Variants in SIGLEC12 observed in about 807,000 individuals in gnomAD.
SIGLEC12 encodes sialic acid binding Ig like lectin 12.
In SIGLEC12, 43 loss-of-function variants were observed where a neutral mutation model predicts 54.1. The observed-to-expected ratio is 0.80, with a 90% CI of 0.62 to 1.03. The LOEUF is 1.03. Among genes scored for constraint, SIGLEC12 ranks in the 50% least tolerant of loss-of-function variants. SIGLEC12 has a pLI of 0.00. For synonymous variants in SIGLEC12, 357 were observed against 307.6 expected, an observed-to-expected ratio of 1.16 and a Z score of -1.68; for missense variants, 802 against 735.2, an observed-to-expected ratio of 1.09 and a Z score of -1.05.
chr19:51,496,855 G>A (rs762528286), intron 7 of SIGLEC12, 25 bp downstream of exon 7: 9 of 1,611,446 alleles, frequency 5.6e-6, no homozygotes, highest in Non-Finnish European at 2.5e-6. Context: ...CAGGGGAGAA[G>A]GGCTGTGATT....
At chr19:51,497,043 T>C in intron 6 of SIGLEC12, 67 bp from the exon 7 acceptor site, 1 of 1,610,368 alleles carries the variant, frequency 6.2e-7, no homozygotes, top group Non-Finnish European at 8.5e-7. Context: ...GACCAACCCC[T>C]GCCCTGTATT....
intron 4 of SIGLEC12, among the ~76,000 whole-genome samples, chr19:51,498,903 G>A (rs1990314175): frequency 6.6e-6 from 1 of 152,330 alleles, no homozygotes; most frequent in Non-Finnish European, 1.5e-5. Context: ...TTCAGGAGCT[G>A]GAAGATAAGA....
chr19:51,497,826 C>T (rs376214484), intron 5 of SIGLEC12, among the ~76,000 whole-genome samples, 192 bp downstream of exon 5: 11 of 152,160 alleles, frequency 7.2e-5, no homozygotes, highest in African/African-American at 2.2e-4. Context: ...GCCCTTGTAT[C>T]CCCAAACACA....
At chr19:51,500,377 T>A (rs1385200780) in intron 1 of SIGLEC12, 77 bp from the exon 2 acceptor site, 1 of 1,611,134 alleles carries the variant, frequency 6.2e-7, no homozygotes, top group African/African-American at 1.3e-5. Context: ...GCAGCATCTC[T>A]GAGGCAGAGG....
intron 7 of SIGLEC12, 31 bp downstream of exon 7, chr19:51,496,849 G>A (rs769540157): frequency 6.2e-7 from 1 of 1,608,314 alleles, no homozygotes; most frequent in East Asian, 2.2e-5. Flanking sequence ...AGAAAGCAGG[G>A]GAGAAGGGCT....
Position 51,499,562 on chromosome 19 carries a change from G to C in SIGLEC12, c.963C>G (p.Ile321Met). 2.5e-6 allele frequency: 4 copies of C among 1,611,864 alleles called. No individual in the cohort carries two copies. Among genetic ancestry groups the C allele is most frequent in the Non-Finnish European group, 3.4e-6 (4 of 1,178,956 alleles). The change falls in exon 3 of 8, where the codon ATC (isoleucine) becomes ATG (methionine). Residue 321 changes from isoleucine to methionine, a missense_variant. Transcript: ENST00000291707. ...TGAGGCTGAGCATCGAGGAGCGAGT[G>C]ATAGTGGGGTCCAGGGAGGACACGG... ...GASVSSLDPT[I>M]TRSSMLSLIP...
At chr19:51,499,828 C>T (rs1198600798) in intron 2 of SIGLEC12, 92 bp downstream of exon 2, 6 of 1,550,030 alleles carry the variant, frequency 3.9e-6, no homozygotes, top group Non-Finnish European at 5.2e-6. Context: ...TGCTTCACCT[C>T]CAACTCCCTC....
chr19:51,495,365 GTGGATGGA>G (rs1320189994), intron 7 of SIGLEC12, among the ~76,000 whole-genome samples: 4 of 60,194 alleles, frequency 6.6e-5, no homozygotes, highest in South Asian at 7.2e-4. Context: ...AGACGGGTGG[GTGGATGGA>G]TGGATGGATG....
chr19:51,491,389 A>G lies in SIGLEC12; in HGVS notation c.*252T>C, dbSNP rs1990095232. ...TACGATCTCACTATATTTGGAACCT[A>G]AAATAGTCGACCTCAGAGAAGTAGA... On this transcript the variant is annotated 3_prime_UTR_variant, in exon 8 of 8. Coordinates refer to ENST00000291707, the MANE Select transcript of SIGLEC12 (RefSeq NM_053003.4). 1 of 486,164 alleles carries G rather than the reference A, an allele frequency of 2.1e-6. No individual in the cohort carries two copies. Among genetic ancestry groups the G allele is most frequent in the Non-Finnish European group, 3.7e-6 (1 of 270,212 alleles). 30.1% of individuals were successfully genotyped at this position (486,164 alleles called of 1,614,324 possible). A position where few individuals can be genotyped will look rare whatever the true frequency, so the allele number is the denominator to read the frequency against.
intron 7 of SIGLEC12, among the ~76,000 whole-genome samples, chr19:51,495,984 G>A (rs375577028): frequency 3.3e-5 from 5 of 152,318 alleles, no homozygotes; most frequent in South Asian, 4.1e-4. Context: ...AACCTTGTTG[G>A]TGATGACACT....
chr19:51,491,836 G>A lies in SIGLEC12; in HGVS notation c.1600-7C>T, dbSNP rs1380072482. ...GGGATTCAATCAGGGGTCCCTGAATGGAGGAAGAGAAGGGAGTCAGTGCAG... is the reference window on the plus strand; with the variant it reads ...GGGATTCAATCAGGGGTCCCTGAATAGAGGAAGAGAAGGGAGTCAGTGCAG... On this transcript the variant is annotated splice_polypyrimidine_tract_variant and splice_region_variant and intron_variant, in intron 7 of 7. Transcript: ENST00000291707. 1.3e-6 allele frequency: 2 copies of A among 1,546,378 alleles called. No individual in the cohort carries two copies. The highest frequency in any genetic ancestry group is 1.4e-5 in the African/African-American group (1 of 73,114).
rs1191941171 is a variant in SIGLEC12, at chr19:51,491,508, G to A, written c.*133C>T. 2 of 885,472 alleles carry A rather than the reference G, an allele frequency of 2.3e-6. No homozygotes were observed. Among genetic ancestry groups the A allele is most frequent in the Non-Finnish European group, 3.5e-6 (2 of 571,938 alleles). The allele number at this position is 885,472 out of a possible 1,614,324, so 54.9% of individuals were successfully genotyped here. A position where few individuals can be genotyped will look rare whatever the true frequency, so the allele number is the denominator to read the frequency against. ...TTTGGTCATCAGGCACGCATTTTCA[G>A]TTTGACAAGAGGAATAAGTTCTGAT... On this transcript the variant is annotated 3_prime_UTR_variant, in exon 8 of 8. Transcript: ENST00000291707.
rs1399460575 is a variant in SIGLEC12, at chr19:51,495,217, GTGGATGGATGGA to G, written c.1599+1651_1599+1662del. Among the ~76,000 whole-genome samples, 82 of 78,858 alleles carry G rather than the reference GTGGATGGATGGA, an allele frequency of 1.0e-3. 3 individuals carry two copies. Among genetic ancestry groups the G allele is most frequent in the South Asian group, 3.1e-3 (6 of 1,912 alleles). 51.7% of individuals were successfully genotyped at this position (78,858 alleles called of 152,430 possible). A position where few individuals can be genotyped will look rare whatever the true frequency, so the allele number is the denominator to read the frequency against. On this transcript the variant is annotated intron_variant, in intron 7 of 7. Coordinates refer to ENST00000291707, the MANE Select transcript of SIGLEC12 (RefSeq NM_053003.4). Reference sequence around the variant, plus strand: ...GATGGATGGACGGACGGGTGGGTGGGTGGATGGATGGATGGATGGATGGATGGATGGACGGGT... The same window carrying G: ...GATGGATGGACGGACGGGTGGGTGGGTGGATGGATGGATGGATGGACGGGT...
At chr19:51,497,906 T>C in intron 5 of SIGLEC12, 112 bp downstream of exon 5, 1 of 1,450,088 alleles carries the variant, frequency 6.9e-7, no homozygotes, top group Non-Finnish European at 9.4e-7. Context: ...ACTCACTGCT[T>C]GGCAGCAAGA....
chr19:51,496,234 C>G (rs527613435), intron 7 of SIGLEC12, among the ~76,000 whole-genome samples: 418 of 152,336 alleles, frequency 2.7e-3, no homozygotes, highest in Middle Eastern at 6.8e-3. Context: ...CTTTGGGAAG[C>G]TGAGGCAGGC....
In SIGLEC12 at chr19:51,501,436, G is replaced by A; in HGVS notation, c.298C>T (p.Gln100Ter). 6.2e-7 allele frequency: 1 copy of A among 1,614,178 alleles called. No homozygotes were observed. Among genetic ancestry groups the A allele is most frequent in the South Asian group, 1.1e-5 (1 of 91,090 alleles). Residue 100 changes from glutamine (Q) to a stop codon, truncating the protein, a stop_gained, in exon 1 of 8, where the codon CAG becomes TAG. Coordinates refer to ENST00000291707, the MANE Select transcript of SIGLEC12 (RefSeq NM_053003.4). LOFTEE classifies it high-confidence loss of function. ...ATGCTCAGGGTACAATCCTTGTTCT[G>A]TGGGTCCCCAAGGAGGTGGAATCGG... The part of the protein sequence containing the change: ...RDRFHLLGDP[Q>*]NKDCTLSIRD...
At chr19:51,497,723 G>C (rs1191428944) in intron 5 of SIGLEC12, among the ~76,000 whole-genome samples, 1 of 152,156 alleles carries the variant, frequency 6.6e-6, no homozygotes, top group African/African-American at 2.4e-5. Flanking sequence ...TATTTCTCTT[G>C]CTTGCTGAGT....
chr19:51,497,313 C>G, intron 6 of SIGLEC12, 36 bp downstream of exon 6: 1 of 1,577,508 alleles, frequency 6.3e-7, no homozygotes, highest in Non-Finnish European at 8.7e-7. Context: ...AGCCTGCCCT[C>G]CCCCAAGGCT....
chr19:51,499,075 C>T lies in SIGLEC12; in HGVS notation c.1135+95G>A, dbSNP rs747725914. On this transcript the variant is annotated intron_variant, in intron 4 of 7. Coordinates refer to ENST00000291707, the MANE Select transcript of SIGLEC12 (RefSeq NM_053003.4). Reference sequence around the variant, plus strand: ...GAGGGAGGGGGGGGCCGGGGCTCACCCACAAAAGGGTCTCAGGTCACCAGG... The same window carrying T: ...GAGGGAGGGGGGGGCCGGGGCTCACTCACAAAAGGGTCTCAGGTCACCAGG... 1.6e-5 allele frequency: 22 copies of T among 1,386,900 alleles called. No individual in the cohort carries two copies. In the East Asian group the frequency reaches 4.8e-4, roughly 30 times the overall value. The allele number at this position is 1,386,900 out of a possible 1,614,324, so 85.9% of individuals were successfully genotyped here.
Sources: gnomAD v4.1 joint callset for allele counts (sites outside exome capture counted in the v4.1 genomes callset) on GRCh38, gnomAD v4.1.1 for gene constraint, MANE v1.5 for transcripts, NCBI Gene and HGNC (gene_info 2026-07-23, HGNC 2026-07-21) for gene names.